The following CFAP47 variants were observed in gnomAD, a reference collection of about 807,000 sequenced individuals.
CFAP47 encodes the protein cilia and flagella associated protein 47.
Under a neutral mutation model 148.1 loss-of-function variants are expected in CFAP47, and 29 were observed. That is an observed-to-expected ratio of 0.20 (90% CI 0.15 to 0.27). CFAP47 has a LOEUF of 0.27. Among genes scored for constraint, CFAP47 ranks in the 10% least tolerant of loss-of-function variants. CFAP47 has a pLI of 1.00. For synonymous variants in CFAP47, 664 were observed against 577.3 expected, an observed-to-expected ratio of 1.15 and a Z score of -2.15; for missense variants, 1,872 against 1,697.5, an observed-to-expected ratio of 1.10 and a Z score of -1.81.
chrX:36,103,529 A>C (rs957786916), intron 32 of CFAP47, among the ~76,000 whole-genome samples: 40 of 100,601 alleles, frequency 4.0e-4, no homozygotes, highest in Admixed American at 2.3e-4. Flanking sequence ...AAAAAAAAAA[A>C]CATCCCTCAA....
chrX:36,280,901 A>G (rs1377271777), intron 50 of CFAP47, among the ~76,000 whole-genome samples: 1 of 112,055 alleles, frequency 8.9e-6, no homozygotes, highest in Non-Finnish European at 1.9e-5. Flanking sequence ...CTGTCACTAT[A>G]CAAAAGCATA....
chrX:36,353,750 G>A, intron 60 of CFAP47, 69 bp downstream of exon 60: 1 of 825,329 alleles, frequency 1.2e-6, no homozygotes, highest in Non-Finnish European at 1.7e-6. Context: ...ATTGCAGGTT[G>A]CTGATTGTGC....
rs1185665208 is a variant in CFAP47 at position 36,351,523 on chromosome X, C to T, written c.8698+1391C>T. ...CTACTGCAGACAGATTCATTTTATC[C>T]AGATTAAAGGTCTAAAGCCAAATTT... is the stretch of plus-strand genomic sequence containing the variant. On this transcript the variant is annotated intron_variant, in intron 59 of 63. Coordinates refer to ENST00000378653, the MANE Select transcript of CFAP47 (RefSeq NM_001304548.2). 3.6e-5 allele frequency among the ~76,000 whole-genome samples: 4 copies of T among 111,481 alleles called. No individual in the cohort carries two copies. In the East Asian group the frequency reaches 1.1e-3, roughly 31 times the overall value.
chrX:36,319,331 C>T, intron 57 of CFAP47, 24 bp downstream of exon 57: 1 of 727,438 alleles, frequency 1.4e-6, no homozygotes, highest in Non-Finnish European at 2.0e-6. Context: ...ACCTTACATT[C>T]TATCATTCTG....
chrX:35,940,150 T>A (rs1935983067), intron 2 of CFAP47, among the ~76,000 whole-genome samples: 1 of 111,473 alleles, frequency 9.0e-6, no homozygotes, highest in Non-Finnish European at 1.9e-5. Context: ...TTGTTTGTTT[T>A]TTTCTTGTAA....
chrX:36,174,492 C>G (rs981966994), intron 39 of CFAP47, among the ~76,000 whole-genome samples: 12 of 109,099 alleles, frequency 1.1e-4, no homozygotes, highest in African/African-American at 3.3e-5. Flanking sequence ...TTAGGGCAGG[C>G]CTGGTGGTGA....
chrX:36,075,407 T>A (rs1281906651), intron 29 of CFAP47, among the ~76,000 whole-genome samples: 4 of 110,472 alleles, frequency 3.6e-5, no homozygotes, highest in Non-Finnish European at 7.6e-5. Flanking sequence ...TTTGTATTTT[T>A]CATAGAGACA....
chrX:36,112,028 C>A (rs890629763), intron 33 of CFAP47, among the ~76,000 whole-genome samples: 2 of 110,963 alleles, frequency 1.8e-5, no homozygotes, highest in African/African-American at 6.5e-5. Flanking sequence ...TGGTCTATTT[C>A]ATTGTTTTTT....
chrX:36,037,916 T>G (rs1937357450), intron 24 of CFAP47, among the ~76,000 whole-genome samples: 2 of 111,797 alleles, frequency 1.8e-5, no homozygotes, highest in African/African-American at 6.5e-5. Flanking sequence ...ACATAATTTA[T>G]TTAAATTTTT....
intron 49 of CFAP47, among the ~76,000 whole-genome samples, chrX:36,279,762 T>C (rs1055093605): frequency 1.2e-4 from 13 of 111,524 alleles, no homozygotes; most frequent in African/African-American, 3.9e-4. Context: ...TGGAGTACAG[T>C]GGTGCCATCT....
At chrX:35,951,501 T>C in intron 5 of CFAP47, 142 bp downstream of exon 5, 2 of 505,124 alleles carry the variant, frequency 4.0e-6, no homozygotes, top group East Asian at 7.4e-5. Flanking sequence ...GTGTATCCAA[T>C]AGCAACCTCA....
rs201853918 is a variant in CFAP47 at position 36,224,275 on chromosome X, T to TA, written c.6818-4344dup. Among the ~76,000 whole-genome samples the TA allele has an allele frequency of 5.7e-3, 621 of 109,652 alleles. 7 individuals carry two copies. Among genetic ancestry groups the TA allele is most frequent in the African/African-American group, 0.019 (571 of 30,319 alleles). ...AAAGGAAAAAAAAAGAAGTTGAGTT[T>TA]AAAAAAAAACCTTAAGTTGTTTGCT... On this transcript the variant is annotated intron_variant, in intron 45 of 63. Transcript: ENST00000378653.
At chrX:36,302,504 A>G (rs1941307108) in intron 53 of CFAP47, among the ~76,000 whole-genome samples, 1 of 111,789 alleles carries the variant, frequency 8.9e-6, no homozygotes, top group African/African-American at 3.2e-5. Context: ...CATTCTTTTT[A>G]TTACAGATTT....
At chrX:36,198,998 G>GT (rs782364404) in intron 42 of CFAP47, among the ~76,000 whole-genome samples, 1 of 112,058 alleles carries the variant, frequency 8.9e-6, no homozygotes, top group East Asian at 2.8e-4. Flanking sequence ...CAACAAAAAT[G>GT]TTTTTTTGAC....
intron 1 of CFAP47, among the ~76,000 whole-genome samples, chrX:35,920,873 G>A (rs1470680816): frequency 1.8e-5 from 2 of 111,489 alleles, no homozygotes; most frequent in Non-Finnish European, 3.8e-5. Context: ...AAAAAAAGAT[G>A]TCCGTAATTT....
At chrX:36,082,354 C>T (rs1937998968) in intron 29 of CFAP47, among the ~76,000 whole-genome samples, 1 of 111,132 alleles carries the variant, frequency 9.0e-6, no homozygotes, top group African/African-American at 3.3e-5. Context: ...TTGCTCTTCC[C>T]CTAATCACCA....
At chrX:36,134,730 C>A (rs1411517505) in intron 33 of CFAP47, among the ~76,000 whole-genome samples, 1 of 110,709 alleles carries the variant, frequency 9.0e-6, no homozygotes, top group Non-Finnish European at 1.9e-5. Flanking sequence ...TTGTATTGGA[C>A]TTTACCATAT....
chrX:36,008,694 C>G (rs1937006805), intron 21 of CFAP47, among the ~76,000 whole-genome samples: 1 of 109,441 alleles, frequency 9.1e-6, no homozygotes, highest in Non-Finnish European at 1.9e-5. Flanking sequence ...CGCTTGAACC[C>G]AGGAGGAGGA....
chrX:35,980,262 C>T (rs1196589327), intron 15 of CFAP47, among the ~76,000 whole-genome samples: 1 of 111,835 alleles, frequency 8.9e-6, no homozygotes, highest in African/African-American at 3.3e-5. Context: ...CCCTGATATA[C>T]TTAATATTCC....
Sources: allele counts gnomAD v4.1 joint callset (sites outside exome capture counted in the v4.1 genomes callset), GRCh38; gene constraint gnomAD v4.1.1; transcripts MANE v1.5; gene names NCBI Gene and HGNC (gene_info 2026-07-23, HGNC 2026-07-21).